CDH23: variants seen among roughly 807,000 people sequenced by gnomAD.
The protein encoded by CDH23 is cadherin related 23, also known as cadherin-23.
Under a neutral mutation model 317.1 loss-of-function variants are expected in CDH23, and 189 were observed. That is an observed-to-expected ratio of 0.60 (90% CI 0.53 to 0.67). The LOEUF (loss-of-function observed/expected upper bound fraction) is 0.67. Among genes scored for constraint, CDH23 ranks in the 30% least tolerant of loss-of-function variants. CDH23 has a pLI of 0.00. For missense variants in CDH23, 4,401 were observed against 4,592.4 expected (o/e 0.96, Z 1.20); for synonymous variants, 1,839 against 1,876.8 (o/e 0.98, Z 0.52).
At chr10:71,461,211 T>G (rs1850966246) in intron 3 of CDH23, among the ~76,000 whole-genome samples, 1 of 152,180 alleles carries the variant, frequency 6.6e-6, no homozygotes, top group African/African-American at 2.4e-5. Context: ...CCACAAACTC[T>G]TTGGAGGCCG....
chr10:71,406,948 G>T lies in CDH23; in HGVS notation c.-6+9630G>T, dbSNP rs143826697. 3.5e-3 allele frequency among the ~76,000 whole-genome samples: 538 copies of T among 152,320 alleles called. 3 individuals are homozygous for T. The highest frequency in any genetic ancestry group is 0.013 in the African/African-American group (525 of 41,568). ...ATGAGAAACATTTATTAAGTACTGT[G>T]TGCCAGGCCCTGAGCTTAGCACTTC... On this transcript the variant is annotated intron_variant, in intron 1 of 69. Transcript: ENST00000224721.
At chr10:71,768,964 G>A (rs998266304) in intron 38 of CDH23, among the ~76,000 whole-genome samples, 3 of 152,192 alleles carry the variant, frequency 2.0e-5, no homozygotes, top group African/African-American at 7.2e-5. Flanking sequence ...AGCCTCTGGA[G>A]GTCTGGTGCC....
At chr10:71,637,655 G>T (rs116997944) in intron 11 of CDH23, among the ~76,000 whole-genome samples, 3 of 152,292 alleles carry the variant, frequency 2.0e-5, no homozygotes, top group Non-Finnish European at 4.4e-5. Context: ...TTCCCTGGCA[G>T]ACCCGAGTTG....
chr10:71,638,525 G>C (rs899616216), intron 11 of CDH23, among the ~76,000 whole-genome samples: 5 of 152,202 alleles, frequency 3.3e-5, no homozygotes, highest in Admixed American at 2.0e-4. Flanking sequence ...AGAGCCCTCA[G>C]GTAATGAATG....
intron 11 of CDH23, among the ~76,000 whole-genome samples, chr10:71,620,519 T>A (rs1467666820): frequency 1.3e-5 from 2 of 152,178 alleles, no homozygotes; most frequent in African/African-American, 4.8e-5. Flanking sequence ...CTGAAATGTC[T>A]GCAGGAATGC....
intron 46 of CDH23, 140 bp downstream of exon 46, chr10:71,790,553 A>C: frequency 8.6e-7 from 1 of 1,158,518 alleles, no homozygotes; most frequent in Non-Finnish European, 1.2e-6. Context: ...CAGAGTCCCC[A>C]TCTTGCAGCT....
At chr10:71,580,887 G>T (rs1330021476) in intron 9 of CDH23, among the ~76,000 whole-genome samples, 5 of 152,126 alleles carry the variant, frequency 3.3e-5, no homozygotes, top group South Asian at 2.1e-4. Flanking sequence ...CCCTGGGCTG[G>T]CACAGTCTCC....
intron 22 of CDH23, among the ~76,000 whole-genome samples, chr10:71,699,816 C>T (rs1865518803): frequency 6.6e-6 from 1 of 152,172 alleles, no homozygotes; most frequent in Non-Finnish European, 1.5e-5. Context: ...GGTCACAGCC[C>T]TCCACCCTCT....
intron 11 of CDH23, 90 bp from the exon 12 acceptor site, chr10:71,643,771 T>G (rs1235892536): frequency 2.7e-6 from 2 of 751,550 alleles, no homozygotes. Flanking sequence ...TCTCACTGTC[T>G]TTTCTCTCTG....
At chr10:71,686,651 C>T (rs1864911360) in intron 18 of CDH23, among the ~76,000 whole-genome samples, 1 of 152,088 alleles carries the variant, frequency 6.6e-6, no homozygotes, top group African/African-American at 2.4e-5. Flanking sequence ...CTCCTATTTG[C>T]ACTAGCAAAC....
At position 71,576,080 on chromosome 10, in the gene CDH23, G is replaced by T. The variant is rs11817992; in HGVS notation, c.754-1834G>T. Among the ~76,000 whole-genome samples, 464 of 152,328 alleles carry T rather than the reference G, an allele frequency of 3.0e-3. 5 individuals are homozygous for T. The highest frequency in any genetic ancestry group is 0.011 in the African/African-American group (442 of 41,572). On this transcript the variant is annotated intron_variant, in intron 8 of 69. Coordinates refer to ENST00000224721, the MANE Select transcript of CDH23 (RefSeq NM_022124.6). ...CCACAGAGCCCTGCCCGCCCAGGGG[G>T]CCTCTGGGCAGCCCCATGCAGGAGC... is the stretch of plus-strand genomic sequence containing the variant.
At chr10:71,473,635 A>G (rs1851631930) in intron 3 of CDH23, among the ~76,000 whole-genome samples, 1 of 152,226 alleles carries the variant, frequency 6.6e-6, no homozygotes, top group Admixed American at 6.5e-5. Context: ...TGGAGATAAA[A>G]AAGTACTTAC....
At chr10:71,624,109 C>T (rs943229815) in intron 11 of CDH23, among the ~76,000 whole-genome samples, 1 of 152,170 alleles carries the variant, frequency 6.6e-6, no homozygotes, top group Non-Finnish European at 1.5e-5. Context: ...AGGTGCCGCC[C>T]GGGCCTTCCC....
Position 71,679,257 on chromosome 10 carries a change from C to G in CDH23, c.1753-130C>G. 4.3e-6 allele frequency: 3 copies of G among 704,584 alleles called. No individual in the cohort carries two copies. The Admixed American group carries it at 6.3e-5, about 15-fold the overall frequency. 43.6% of individuals were successfully genotyped at this position (704,584 alleles called of 1,614,324 possible). A position where few individuals can be genotyped will look rare whatever the true frequency, so the allele number is the denominator to read the frequency against. ...CCTGGCGTCCTGGGCCAGGACAAGACCCAGGGCTGGATCACCCAAAAAAGG... is the reference window on the plus strand; with the variant it reads ...CCTGGCGTCCTGGGCCAGGACAAGAGCCAGGGCTGGATCACCCAAAAAAGG... On this transcript the variant is annotated intron_variant, in intron 16 of 69. Transcript: ENST00000224721.
Position 71,811,824 on chromosome 10 carries a change from C to CCT in CDH23, c.9319+72_9319+73insTC, listed in dbSNP as rs59718926. ...TGGGGACCTGGAGTGCCCACCGGAG[C>CCT]CACAAGCCTGGCTCAGGCCCTTCAC... On this transcript the variant is annotated intron_variant, in intron 65 of 69. Coordinates refer to ENST00000224721, the MANE Select transcript of CDH23 (RefSeq NM_022124.6). 0.76 allele frequency: 1,190,129 copies of CCT among 1,567,992 alleles called. 452,768 individuals carry two copies. The highest frequency in any genetic ancestry group is 0.85 in the African/African-American group (62,409 of 73,552).
At chr10:71,566,561 A>G (rs1857410521) in intron 6 of CDH23, among the ~76,000 whole-genome samples, 181 bp from the exon 7 acceptor site, 1 of 152,200 alleles carries the variant, frequency 6.6e-6, no homozygotes, top group Non-Finnish European at 1.5e-5. Flanking sequence ...CAAAAAATGA[A>G]GAAGAGGAAA....
chr10:71,435,179 G>A (rs1849562661), intron 1 of CDH23, among the ~76,000 whole-genome samples: 2 of 152,202 alleles, frequency 1.3e-5, no homozygotes, highest in South Asian at 4.1e-4. Flanking sequence ...GTGACCTTGA[G>A]CAAGTTGTTT....
At chr10:71,688,734 AGG>A (rs1865024398) in intron 19 of CDH23, among the ~76,000 whole-genome samples, 2 of 10,192 alleles carry the variant, frequency 2.0e-4, no homozygotes, top group Admixed American at 1.1e-3. Context: ...GGTGGAGTCA[AGG>A]GTGGTGGAGC....
chr10:71,766,923 C>T lies in CDH23; in HGVS notation c.4846-10757C>T, dbSNP rs114519269. Reference sequence around the variant, plus strand: ...TGAACTGACCGTGCATTGACCTCCACGCCCTCCGTGCAACATTCCTGCTCT... The same window carrying T: ...TGAACTGACCGTGCATTGACCTCCATGCCCTCCGTGCAACATTCCTGCTCT... On this transcript the variant is annotated intron_variant, in intron 38 of 69. Transcript: ENST00000224721. 3.9e-3 allele frequency among the ~76,000 whole-genome samples: 599 copies of T among 152,340 alleles called. 1 individual carries two copies. The highest frequency in any genetic ancestry group is 0.014 in the African/African-American group (570 of 41,574).
Sources: allele counts gnomAD v4.1 joint callset (sites outside exome capture counted in the v4.1 genomes callset), GRCh38; gene constraint gnomAD v4.1.1; transcripts MANE v1.5; gene names NCBI Gene and HGNC (gene_info 2026-07-23, HGNC 2026-07-21).